KIAA1217: variants seen among roughly 807,000 people sequenced by gnomAD.
KIAA1217 encodes KIAA1217.
KIAA1217 carries 88 observed loss-of-function variants against 163.9 expected under a neutral mutation model. The ratio of observed to expected loss-of-function variants is 0.54; its 90% CI spans 0.45 to 0.64. The LOEUF (loss-of-function observed/expected upper bound fraction) is 0.64, where lower values mean the gene tolerates loss of function less well. Among genes scored for constraint, KIAA1217 ranks in the 30% least tolerant of loss-of-function variants. KIAA1217 has a pLI of 0.00. For synonymous variants in KIAA1217, 903 were observed against 923.1 expected (o/e 0.98, Z 0.39); for missense variants, 2,372 against 2,475.0 (o/e 0.96, Z 0.88).
At chr10:23,738,625 T>TTC (rs1002094924) in intron 1 of KIAA1217, among the ~76,000 whole-genome samples, 3 of 152,078 alleles carry the variant, frequency 2.0e-5, no homozygotes, top group African/African-American at 7.2e-5. Context: ...TGTTTTTTTT[T>TTC]CTATTTCTTC....
intron 1 of KIAA1217, among the ~76,000 whole-genome samples, chr10:23,984,720 C>T (rs1024917159): frequency 6.6e-6 from 1 of 151,076 alleles, no homozygotes; most frequent in Non-Finnish European, 1.5e-5. Context: ...ATTGAGAACA[C>T]ATGGACATAG....
chr10:24,266,321 C>T (rs762237010), intron 2 of KIAA1217, among the ~76,000 whole-genome samples: 6 of 152,114 alleles, frequency 3.9e-5, no homozygotes, highest in South Asian at 2.1e-4. Context: ...TCAGGTGATC[C>T]GCCAGCCTCA....
chr10:23,756,257 C>T (rs1157323901), intron 1 of KIAA1217, among the ~76,000 whole-genome samples: 1 of 151,960 alleles, frequency 6.6e-6, no homozygotes, highest in Non-Finnish European at 1.5e-5. Flanking sequence ...GCCACCACAC[C>T]CAGCCTGAGT....
intron 1 of KIAA1217, among the ~76,000 whole-genome samples, chr10:23,963,897 C>CT (rs59540632): frequency 0.042 from 5,780 of 137,862 alleles, 139 homozygotes; most frequent in South Asian, 0.084. Flanking sequence ...TTTCTCTTTT[C>CT]TTTTTTTTTT....
At chr10:24,030,074 C>T (rs1848128960) in intron 2 of KIAA1217, among the ~76,000 whole-genome samples, 1 of 152,124 alleles carries the variant, frequency 6.6e-6, no homozygotes, top group Non-Finnish European at 1.5e-5. Context: ...ATCTAACCCT[C>T]ATTTCATAGG....
chr10:23,746,328 G>A (rs978752656), intron 1 of KIAA1217, among the ~76,000 whole-genome samples: 1 of 152,230 alleles, frequency 6.6e-6, no homozygotes, highest in Non-Finnish European at 1.5e-5. Context: ...AGAAGCAGAT[G>A]CTGGTGCCTT....
intron 1 of KIAA1217, among the ~76,000 whole-genome samples, chr10:23,714,958 C>T (rs1389573468): frequency 6.6e-6 from 1 of 152,108 alleles, no homozygotes; most frequent in Non-Finnish European, 1.5e-5. Flanking sequence ...TAAAGTTGAC[C>T]CTTCATGGAA....
At chr10:24,502,493 C>T (rs144868520) in intron 9 of KIAA1217, among the ~76,000 whole-genome samples, 86 of 152,126 alleles carry the variant, frequency 5.7e-4, no homozygotes, top group African/African-American at 1.8e-3. Flanking sequence ...CAACAAATCC[C>T]GTAAATCTGC....
chr10:24,136,543 C>T (rs1021337773), intron 2 of KIAA1217, among the ~76,000 whole-genome samples: 1 of 152,106 alleles, frequency 6.6e-6, no homozygotes, highest in Non-Finnish European at 1.5e-5. Flanking sequence ...TACACCGGAA[C>T]GCGGTCAAAT....
intron 2 of KIAA1217, among the ~76,000 whole-genome samples, chr10:24,296,057 G>T (rs2040560198): frequency 6.6e-6 from 1 of 152,142 alleles, no homozygotes; most frequent in Admixed American, 6.5e-5. Flanking sequence ...TCAAAAAGCA[G>T]ACTGTCAGCC....
chr10:24,460,276 G>A (rs373305285), intron 5 of KIAA1217, among the ~76,000 whole-genome samples: 1 of 152,236 alleles, frequency 6.6e-6, no homozygotes, highest in South Asian at 2.1e-4. Flanking sequence ...TATAACAAAT[G>A]GCATCAATTC....
intron 2 of KIAA1217, among the ~76,000 whole-genome samples, chr10:24,309,350 G>GCAGACACACACACACA (rs2042406892): frequency 7.6e-6 from 1 of 132,284 alleles, no homozygotes; most frequent in Non-Finnish European, 1.6e-5. Context: ...ACGCGCGCGC[G>GCAGACACACACACACA]CACACACACA....
At chr10:23,721,160 G>A (rs558569377) in intron 1 of KIAA1217, among the ~76,000 whole-genome samples, 3 of 152,254 alleles carry the variant, frequency 2.0e-5, no homozygotes, top group East Asian at 3.9e-4. Context: ...TTCCCTGAGC[G>A]TGTGCCCTTG....
rs542198689 is a variant in KIAA1217 at position 24,295,571 on chromosome 10, T to C, written c.354+75662T>C. On this transcript the variant is annotated intron_variant, in intron 2 of 20. Transcript: ENST00000376454. ...GTCATAAAGCTCAGTTCTAGACTTCTTGATTTGTGTCCCGGGTGCTTCCCC... is the reference window on the plus strand; with the variant it reads ...GTCATAAAGCTCAGTTCTAGACTTCCTGATTTGTGTCCCGGGTGCTTCCCC... Among the ~76,000 whole-genome samples, 4 of 152,314 alleles carry C rather than the reference T, an allele frequency of 2.6e-5. No individual in the cohort carries two copies. The South Asian group carries it at 8.3e-4, about 32-fold the overall frequency.
chr10:24,501,576 G>C, intron 9 of KIAA1217, 31 bp downstream of exon 9: 2 of 1,597,988 alleles, frequency 1.3e-6, no homozygotes, highest in South Asian at 2.2e-5. Context: ...CCTCTGTCTC[G>C]GTTGCCCTGA....
chr10:23,791,910 T>A (rs1835967586), intron 1 of KIAA1217, among the ~76,000 whole-genome samples: 1 of 152,200 alleles, frequency 6.6e-6, no homozygotes, highest in South Asian at 2.1e-4. Context: ...CGATGAAGAC[T>A]AATCCAGAAT....
At chr10:23,742,279 C>T (rs1839164056) in intron 1 of KIAA1217, among the ~76,000 whole-genome samples, 1 of 152,060 alleles carries the variant, frequency 6.6e-6, no homozygotes, top group Admixed American at 6.6e-5. Flanking sequence ...TCTGGAGGGG[C>T]CTGCCACTGA....
chr10:23,987,945 G>T (rs886070959), intron 1 of KIAA1217, among the ~76,000 whole-genome samples: 13 of 152,134 alleles, frequency 8.5e-5, no homozygotes, highest in Admixed American at 3.3e-4. Flanking sequence ...AATGTTTGAG[G>T]ATACCAAGGA....
intron 2 of KIAA1217, among the ~76,000 whole-genome samples, chr10:24,072,417 G>C (rs1468305899): frequency 6.6e-6 from 1 of 152,098 alleles, no homozygotes; most frequent in Non-Finnish European, 1.5e-5. Flanking sequence ...TTTAAGATTG[G>C]TCAAAAAATT....
Sources: allele counts gnomAD v4.1 joint callset (sites outside exome capture counted in the v4.1 genomes callset), GRCh38; gene constraint gnomAD v4.1.1; transcripts MANE v1.5; gene names NCBI Gene and HGNC (gene_info 2026-07-23, HGNC 2026-07-21).